The following FGF14 variants were observed in gnomAD, a reference collection of about 807,000 sequenced individuals.
The protein encoded by FGF14 is fibroblast growth factor 14, also known as fibroblast growth factor homologous factor 4.
A neutral mutation model predicts 25.5 loss-of-function variants in FGF14; 5 were observed. That is an observed-to-expected ratio of 0.20 (90% confidence interval 0.10 to 0.41). The LOEUF (loss-of-function observed/expected upper bound fraction) is 0.41, where lower values mean the gene tolerates loss of function less well. Among genes scored for constraint, FGF14 ranks in the 10% least tolerant of loss-of-function variants. The pLI, the probability that FGF14 is intolerant of heterozygous loss-of-function variation, is 1.00. For missense variants in FGF14, 222 were observed against 320.1 expected, an observed-to-expected ratio of 0.69 and a Z score of 2.34; for synonymous variants, 138 against 118.3, an observed-to-expected ratio of 1.17 and a Z score of -1.08.
chr13:101,885,577 C>T (rs2045946701), intron 1 of FGF14, among the ~76,000 whole-genome samples: 1 of 152,100 alleles, frequency 6.6e-6, no homozygotes, highest in African/African-American at 2.4e-5. Context: ...GCATAGGTAG[C>T]CACTGAATTC....
upstream of FGF14, chr13:102,401,822 G>C: frequency 1.3e-6 from 1 of 741,358 alleles, no homozygotes; most frequent in Non-Finnish European, 2.3e-6. Context: ...ATTACCAAAG[G>C]GTTGGAGAAA....
chr13:101,740,413 T>A (rs1407392316), intron 3 of FGF14, among the ~76,000 whole-genome samples: 2 of 152,182 alleles, frequency 1.3e-5, no homozygotes, highest in African/African-American at 4.8e-5. Context: ...GGTTTGTCCA[T>A]TATAGTACCA....
At chr13:101,768,292 T>G (rs9518524) in intron 3 of FGF14, among the ~76,000 whole-genome samples, 59,013 of 151,956 alleles carry the variant, frequency 0.39, 13,747 homozygotes, top group Non-Finnish European at 0.52. Flanking sequence ...TGAGGAGAAC[T>G]GTAAGGCTCT....
chr13:101,903,753 C>T (rs545797981), intron 1 of FGF14, among the ~76,000 whole-genome samples: 1 of 152,290 alleles, frequency 6.6e-6, no homozygotes, highest in African/African-American at 2.4e-5. Flanking sequence ...TCTAAGCCAA[C>T]CCTAAAGAAA....
intron 1 of FGF14, chr13:102,293,848 T>A (rs9585886): frequency 0.3 from 45,457 of 152,060 alleles, 7,198 homozygotes; most frequent in African/African-American, 0.4. Context: ...TGCTGAGAAG[T>A]GTTATAACGA....
intron 3 of FGF14, among the ~76,000 whole-genome samples, chr13:101,867,913 C>T (rs1451115765): frequency 1.1e-4 from 16 of 150,010 alleles, no homozygotes; most frequent in Admixed American, 9.4e-4. Flanking sequence ...CACACACACA[C>T]ACACACACAC....
intron 1 of FGF14, among the ~76,000 whole-genome samples, chr13:102,072,795 G>A (rs1299159622): frequency 1.3e-5 from 2 of 152,170 alleles, no homozygotes; most frequent in Non-Finnish European, 2.9e-5. Context: ...TTAGGAAATA[G>A]AGAAATAAGA....
intron 1 of FGF14, among the ~76,000 whole-genome samples, chr13:102,363,837 T>A (rs1676563362): frequency 6.6e-6 from 1 of 152,218 alleles, no homozygotes; most frequent in Admixed American, 6.5e-5. Context: ...ATGTCTAACA[T>A]TTAACAGGGA....
At chr13:101,952,769 G>A (rs1028201846) in intron 1 of FGF14, among the ~76,000 whole-genome samples, 5 of 152,160 alleles carry the variant, frequency 3.3e-5, no homozygotes, top group Non-Finnish European at 1.5e-5. Flanking sequence ...GGTGGCCCAC[G>A]CCTTTAATCC....
intron 1 of FGF14, among the ~76,000 whole-genome samples, chr13:102,303,747 ATGTATCTTATG>A (rs1241741801): frequency 6.6e-6 from 1 of 152,158 alleles, no homozygotes; most frequent in Admixed American, 6.5e-5. Context: ...AATTGATTCC[ATGTATCTTATG>A]GTTGTGTCAC....
At chr13:101,898,397 G>GACAGAAAT (rs2031044058) in intron 1 of FGF14, among the ~76,000 whole-genome samples, 1 of 145,962 alleles carries the variant, frequency 6.9e-6, no homozygotes, top group Admixed American at 6.9e-5. Flanking sequence ...AATGAGTATT[G>GACAGAAAT]ACAGAAATAC....
chr13:101,895,967 A>T (rs1314146945), intron 1 of FGF14, among the ~76,000 whole-genome samples: 1 of 152,158 alleles, frequency 6.6e-6, no homozygotes, highest in Non-Finnish European at 1.5e-5. Flanking sequence ...ATATCCTAAC[A>T]ATTATAATCT....
intron 1 of FGF14, among the ~76,000 whole-genome samples, chr13:102,389,936 G>A (rs2058393479): frequency 6.6e-6 from 1 of 152,096 alleles, no homozygotes; most frequent in South Asian, 2.1e-4. Flanking sequence ...TAGCAAGCTG[G>A]GTAAACTGTG....
intron 1 of FGF14, among the ~76,000 whole-genome samples, chr13:102,024,246 C>T (rs1052114191): frequency 7.2e-5 from 11 of 152,052 alleles, no homozygotes; most frequent in South Asian, 2.1e-4. Context: ...CTGCCAGCAA[C>T]GCATGAGGAT....
intron 1 of FGF14, among the ~76,000 whole-genome samples, chr13:102,178,460 A>C (rs1027142896): frequency 6.6e-6 from 1 of 152,196 alleles, no homozygotes; most frequent in Non-Finnish European, 1.5e-5. Flanking sequence ...ATAATGCATA[A>C]GGGTGAAGTC....
At chr13:102,132,817 G>A (rs980450025) in intron 1 of FGF14, among the ~76,000 whole-genome samples, 1 of 152,008 alleles carries the variant, frequency 6.6e-6, no homozygotes, top group African/African-American at 2.4e-5. Flanking sequence ...CCCTGCACCC[G>A]GCCCTTAAGT....
rs34911009 is a variant in FGF14, at chr13:102,309,135, TACACAC to T, written c.208+92330_208+92335del. ...CACACAAATGCATACATGCATAACA[TACACAC>T]ACACACACACACACACACACACACA... On this transcript the variant is annotated intron_variant, in intron 1 of 4. Coordinates refer to the FGF14 transcript ENST00000376131. Among the ~76,000 whole-genome samples, 140 of 142,566 alleles carry T rather than the reference TACACAC, an allele frequency of 9.8e-4. 1 individual carries two copies. Among genetic ancestry groups the T allele is most frequent in the African/African-American group, 3.3e-3 (124 of 37,652 alleles). 93.5% of individuals were successfully genotyped at this position (142,566 alleles called of 152,430 possible).
intron 1 of FGF14, among the ~76,000 whole-genome samples, chr13:101,970,029 G>A (rs945856972): frequency 7.9e-5 from 12 of 152,168 alleles, no homozygotes; most frequent in African/African-American, 2.4e-4. Flanking sequence ...TCTCTTGATT[G>A]TCTTTTATTT....
Position 101,720,564 on chromosome 13 carries a change from GTA to G in FGF14, c.*2265_*2266del, listed in dbSNP as rs1555369113. ...TGTGTGTGTGTGTGTGTGTGTGTGT[GTA>G]TATGTGTGTGTTTGTGTGAAGTGAA... On this transcript the variant is annotated 3_prime_UTR_variant, in exon 5 of 5. Coordinates refer to ENST00000376143, the MANE Select transcript of FGF14 (RefSeq NM_004115.4). 1.4e-3 allele frequency: 193 copies of G among 138,768 alleles called. No individual in the cohort carries two copies. Among genetic ancestry groups the G allele is most frequent in the East Asian group, 5.1e-3 (21 of 4,154 alleles). 8.6% of individuals were successfully genotyped at this position (138,768 alleles called of 1,614,324 possible).
Sources: allele counts gnomAD v4.1 joint callset (sites outside exome capture counted in the v4.1 genomes callset), GRCh38; gene constraint gnomAD v4.1.1; transcripts MANE v1.5; gene names NCBI Gene and HGNC (gene_info 2026-07-23, HGNC 2026-07-21).